The following SNRPN variants were observed in gnomAD, a reference collection of about 807,000 sequenced individuals.
The protein encoded by SNRPN is small nuclear ribonucleoprotein-associated protein N.
SNRPN carries 7 observed loss-of-function variants against 25.2 expected under a neutral mutation model. That is an observed-to-expected ratio of 0.28 (90% confidence interval 0.16 to 0.52). SNRPN has a LOEUF of 0.52. Ranked by LOEUF, SNRPN falls within the 20% of genes least tolerant of loss-of-function variation. SNRPN has a pLI of 0.96. For missense variants in SNRPN, 196 were observed against 322.5 expected, an observed-to-expected ratio of 0.61 and a Z score of 3.00; for synonymous variants, 124 against 110.6, an observed-to-expected ratio of 1.12 and a Z score of -0.76.
At chr15:24,824,575 TA>T (rs1296727006) in intron 1 of SNRPN, among the ~76,000 whole-genome samples, 1 of 152,166 alleles carries the variant, frequency 6.6e-6, no homozygotes, top group Non-Finnish European at 1.5e-5. Context: ...TATATTTTAA[TA>T]GTATCATCTT....
At chr15:24,905,251 C>T (rs1341657814) in intron 2 of SNRPN, among the ~76,000 whole-genome samples, 2 of 152,014 alleles carry the variant, frequency 1.3e-5, no homozygotes, top group African/African-American at 2.4e-5. Context: ...TGGCTCAGAC[C>T]TGTAAACCCA....
At chr15:24,904,251 A>G (rs910266448) in intron 2 of SNRPN, among the ~76,000 whole-genome samples, 2 of 152,190 alleles carry the variant, frequency 1.3e-5, no homozygotes, top group Admixed American at 6.5e-5. Flanking sequence ...TTAATACCAC[A>G]TACTACAGTT....
At chr15:24,930,900 GAAAAA>G (rs997199848) in intron 3 of SNRPN, among the ~76,000 whole-genome samples, 5 of 125,940 alleles carry the variant, frequency 4.0e-5, no homozygotes, top group Admixed American at 8.3e-5. Flanking sequence ...GTCTGTCTCA[GAAAAA>G]AAAAAAAAAA....
intron 7 of SNRPN, among the ~76,000 whole-genome samples, chr15:24,977,513 G>A (rs1020044865): frequency 3.4e-4 from 52 of 152,040 alleles, no homozygotes; most frequent in African/African-American, 1.2e-3. Context: ...GGTGGTGGGT[G>A]CCTGTAATCC....
intron 2 of SNRPN, among the ~76,000 whole-genome samples, chr15:24,836,016 T>C (rs929579717): frequency 2.6e-5 from 4 of 152,174 alleles, no homozygotes; most frequent in Admixed American, 1.3e-4. Context: ...TACCAGAGAC[T>C]GGGTGGCTTA....
chr15:24,941,298 A>G (rs1430634542), intron 3 of SNRPN, among the ~76,000 whole-genome samples: 2 of 152,206 alleles, frequency 1.3e-5, no homozygotes, highest in Non-Finnish European at 2.9e-5. Flanking sequence ...TTTTATATAC[A>G]CACAGGCACA....
chr15:24,953,448 C>T (rs1011346320), upstream of SNRPN, among the ~76,000 whole-genome samples: 2 of 152,154 alleles, frequency 1.3e-5, no homozygotes, highest in Non-Finnish European at 2.9e-5. Context: ...CTCAGCCTCC[C>T]GAGTAGCTAA....
At chr15:24,874,695 A>G (rs2055673840) in intron 1 of SNRPN, among the ~76,000 whole-genome samples, 1 of 149,316 alleles carries the variant, frequency 6.7e-6, no homozygotes, top group Non-Finnish European at 1.5e-5. Context: ...TATGATCACC[A>G]TCAAAACTTA....
intron 1 of SNRPN, among the ~76,000 whole-genome samples, chr15:24,866,514 C>T (rs2148316350): frequency 6.6e-6 from 1 of 152,282 alleles, no homozygotes; most frequent in South Asian, 2.1e-4. Flanking sequence ...CCTCCTGCCT[C>T]AGCTTCCTGA....
chr15:24,963,872 A>G (rs1427765194), intron 2 of SNRPN, among the ~76,000 whole-genome samples: 1 of 152,018 alleles, frequency 6.6e-6, no homozygotes, highest in Non-Finnish European at 1.5e-5. Flanking sequence ...TCCTCTCTAC[A>G]GAAAAATAAA....
At chr15:24,890,101 G>A (rs1448048385) in intron 2 of SNRPN, among the ~76,000 whole-genome samples, 1 of 150,528 alleles carries the variant, frequency 6.6e-6, no homozygotes, top group African/African-American at 2.4e-5. Context: ...GGCATACTGA[G>A]TATTTTAAGC....
rs374854462 is a variant in SNRPN, at chr15:24,970,788, A to T, written c.-144+2706A>T. 3.9e-4 allele frequency among the ~76,000 whole-genome samples: 60 copies of T among 152,312 alleles called. No individual in the cohort carries two copies. In the South Asian group the frequency reaches 7.9e-3, roughly 20 times the overall value. ...ATTAGTAGACCATTAGTTTCTCAGT[A>T]CCACCCTTTGTATTCTGGTGTTTTT... On this transcript the variant is annotated intron_variant, in intron 3 of 9. Coordinates refer to ENST00000390687, the MANE Select transcript of SNRPN (RefSeq NM_003097.6).
chr15:24,886,994 G>A (rs1354699611), intron 2 of SNRPN, among the ~76,000 whole-genome samples: 1 of 152,036 alleles, frequency 6.6e-6, no homozygotes, highest in African/African-American at 2.4e-5. Flanking sequence ...CAGTCAAACT[G>A]GCTTTTAATC....
chr15:24,885,663 G>A (rs1047886433), intron 1 of SNRPN, among the ~76,000 whole-genome samples: 3 of 151,732 alleles, frequency 2.0e-5, no homozygotes, highest in African/African-American at 7.3e-5. Flanking sequence ...GCAAGCCAGT[G>A]GAGAGAGCAG....
chr15:24,960,422 C>G (rs552303033), intron 1 of SNRPN, among the ~76,000 whole-genome samples: 1 of 152,130 alleles, frequency 6.6e-6, no homozygotes, highest in East Asian at 1.9e-4. Context: ...GTCACTGCAA[C>G]CTCTGCCTCC....
rs113183574 is a variant in SNRPN, at chr15:24,888,112, CT to C, written c.-505+1537del. On this transcript the variant is annotated intron_variant, in intron 2 of 11. Coordinates refer to the SNRPN transcript ENST00000400097. Reference sequence around the variant, plus strand: ...AAAATGACAAATATATTAGAAATGACTTTTTTTTTTTTTTGAGATGTAGTCT... The same window carrying C: ...AAAATGACAAATATATTAGAAATGACTTTTTTTTTTTTTGAGATGTAGTCT... Among the ~76,000 whole-genome samples the C allele has an allele frequency of 5.2e-3, 734 of 139,814 alleles. 6 individuals carry two copies. The highest frequency in any genetic ancestry group is 0.016 in the African/African-American group (615 of 38,534). The allele number at this position is 139,814 out of a possible 152,430, so 91.7% of individuals were successfully genotyped here.
intron 3 of SNRPN, among the ~76,000 whole-genome samples, chr15:24,938,386 C>T (rs1477702695): frequency 6.6e-6 from 1 of 152,144 alleles, no homozygotes; most frequent in Non-Finnish European, 1.5e-5. Flanking sequence ...CCTTGGCCTC[C>T]CAAAGTGCTG....
At chr15:24,866,646 C>T (rs1190818667) in intron 1 of SNRPN, among the ~76,000 whole-genome samples, 2 of 152,156 alleles carry the variant, frequency 1.3e-5, no homozygotes, top group Non-Finnish European at 2.9e-5. Flanking sequence ...ATTATTCCTC[C>T]TCTCTGACTG....
chr15:24,848,246 C>CGGCGGCGGGGGCGGGGGCGGCGGCGGG (rs2052409144), intron 2 of SNRPN: 3 of 37,186 alleles, frequency 8.1e-5, no homozygotes, highest in Non-Finnish European at 1.1e-4. Context: ...GCGGGGGCGG[C>CGGCGGCGGGGGCGGGGGCGGCGGCGGG]GGCGGGGGCG....
Sources: gnomAD v4.1 joint callset for allele counts (sites outside exome capture counted in the v4.1 genomes callset) on GRCh38, gnomAD v4.1.1 for gene constraint, MANE v1.5 for transcripts, NCBI Gene and HGNC (gene_info 2026-07-23, HGNC 2026-07-21) for gene names.